The following RANBP2 variants were observed in gnomAD, a reference collection of about 807,000 sequenced individuals.
RANBP2 encodes E3 SUMO-protein ligase RanBP2.
In RANBP2, 57 loss-of-function variants were observed where a neutral mutation model predicts 303.6. The observed-to-expected ratio is 0.19, with a 90% CI of 0.15 to 0.23. The LOEUF (loss-of-function observed/expected upper bound fraction) is 0.23, where lower values mean the gene tolerates loss of function less well. Among genes scored for constraint, RANBP2 ranks in the 10% least tolerant of loss-of-function variants. The pLI, the probability that RANBP2 is intolerant of heterozygous loss-of-function variation, is 1.00. For missense variants in RANBP2, 3,138 were observed against 3,780.8 expected, an observed-to-expected ratio of 0.83 and a Z score of 4.46; for synonymous variants, 1,167 against 1,301.5, an observed-to-expected ratio of 0.90 and a Z score of 2.23.
chr2:109,219,232 G>A, the RANBP2 span, among the ~76,000 whole-genome samples: 3 of 152,188 alleles, frequency 2.0e-5, no homozygotes, highest in African/African-American at 7.2e-5. Flanking sequence ...ATGTATTTGA[G>A]TTGTTCTCAG....
At chr2:109,516,174 C>A in the RANBP2 span, among the ~76,000 whole-genome samples, 6 of 152,000 alleles carry the variant, frequency 3.9e-5, no homozygotes, top group Non-Finnish European at 7.4e-5. Context: ...GCTGCTGAGC[C>A]CACCAGGCCT....
At chr2:109,572,385 G>A in the RANBP2 span, among the ~76,000 whole-genome samples, 115 of 152,050 alleles carry the variant, frequency 7.6e-4, no homozygotes, top group African/African-American at 2.5e-3. Flanking sequence ...TGCCCGCCTC[G>A]GCCTCCCAAA....
chr2:109,005,900 C>T, the RANBP2 span, among the ~76,000 whole-genome samples: 2 of 152,334 alleles, frequency 1.3e-5, no homozygotes, highest in East Asian at 3.9e-4. Context: ...TGGTGCCCAC[C>T]GCCTTTATCC....
the RANBP2 span, among the ~76,000 whole-genome samples, chr2:108,950,264 T>G: frequency 2.0e-5 from 3 of 148,314 alleles, no homozygotes; most frequent in Non-Finnish European, 4.5e-5. Flanking sequence ...CCATTCCTTT[T>G]CTTTTTCTTT....
the RANBP2 span, among the ~76,000 whole-genome samples, chr2:109,686,602 A>G: frequency 1.3e-5 from 2 of 152,018 alleles, no homozygotes; most frequent in Non-Finnish European, 2.9e-5. Context: ...CGTAAGCCAC[A>G]GCGTCCGGCT....
the RANBP2 span, among the ~76,000 whole-genome samples, chr2:109,247,721 A>G: frequency 6.6e-6 from 1 of 152,204 alleles, no homozygotes; most frequent in African/African-American, 2.4e-5. Context: ...TCCCTGTATC[A>G]GTTAGGATTT....
chr2:108,938,915 G>A, the RANBP2 span, among the ~76,000 whole-genome samples: 2,254 of 151,178 alleles, frequency 0.015, 29 homozygotes, highest in South Asian at 0.03. Flanking sequence ...GAGTAGCTGC[G>A]ACTACAGGCA....
At chr2:109,294,578 TAAAAA>T in the RANBP2 span, among the ~76,000 whole-genome samples, 2 of 124,912 alleles carry the variant, frequency 1.6e-5, no homozygotes, top group South Asian at 5.4e-4. Context: ...AAAAATTAAT[TAAAAA>T]AAAGGTAAAA....
chr2:109,193,833 A>C, the RANBP2 span, among the ~76,000 whole-genome samples: 1 of 152,178 alleles, frequency 6.6e-6, no homozygotes, highest in Non-Finnish European at 1.5e-5. Flanking sequence ...CCAGCACCTG[A>C]TTTAAGTCTC....
chr2:109,743,686 T>G, the RANBP2 span, among the ~76,000 whole-genome samples: 20 of 96,236 alleles, frequency 2.1e-4, 4 homozygotes, highest in Non-Finnish European at 5.5e-4. Context: ...CTGGGTATAT[T>G]GTGTGATGCT....
chr2:109,510,469 G>A, the RANBP2 span, among the ~76,000 whole-genome samples: 1 of 152,180 alleles, frequency 6.6e-6, no homozygotes, highest in Non-Finnish European at 1.5e-5. Flanking sequence ...TGTGGAGGCC[G>A]AGGGGAAGCC....
the RANBP2 span, among the ~76,000 whole-genome samples, chr2:109,345,842 G>A: frequency 6.6e-6 from 1 of 152,178 alleles, no homozygotes; most frequent in Admixed American, 6.5e-5. Flanking sequence ...ATTCTTTGTG[G>A]CAGAGGCTGT....
chr2:109,193,335 A>G, the RANBP2 span, among the ~76,000 whole-genome samples: 1 of 152,210 alleles, frequency 6.6e-6, no homozygotes, highest in Admixed American at 6.5e-5. Context: ...TTCAAAGTGT[A>G]CAATTCAGTG....
the RANBP2 span, among the ~76,000 whole-genome samples, chr2:109,151,424 A>G: frequency 1.3e-5 from 2 of 152,230 alleles, no homozygotes; most frequent in Non-Finnish European, 2.9e-5. Flanking sequence ...TTATACTCCA[A>G]AGCAGCACCA....
the RANBP2 span, among the ~76,000 whole-genome samples, chr2:109,672,632 T>C: frequency 6.6e-6 from 1 of 152,358 alleles, no homozygotes; most frequent in South Asian, 2.1e-4. Context: ...TCTAGAAGTT[T>C]ATGCATTTTA....
At chr2:109,367,080 G>A in the RANBP2 span, among the ~76,000 whole-genome samples, 13 of 150,718 alleles carry the variant, frequency 8.6e-5, no homozygotes, top group African/African-American at 2.7e-4. Flanking sequence ...ACCCTCCAGA[G>A]CAGCTAGGAT....
the RANBP2 span, among the ~76,000 whole-genome samples, chr2:109,638,959 C>T: frequency 1.3e-5 from 2 of 152,156 alleles, no homozygotes; most frequent in Non-Finnish European, 2.9e-5. Flanking sequence ...GGCCTTGCTC[C>T]AAAACAAAGC....
At chr2:109,173,985 G>A in the RANBP2 span, among the ~76,000 whole-genome samples, 189 of 152,362 alleles carry the variant, frequency 1.2e-3, no homozygotes, top group Admixed American at 5.2e-3. Flanking sequence ...CCTGAGACTG[G>A]CATTGGTGGC....
the RANBP2 span, among the ~76,000 whole-genome samples, chr2:109,685,075 G>T: frequency 3.3e-5 from 5 of 151,576 alleles, no homozygotes; most frequent in Non-Finnish European, 5.9e-5. Flanking sequence ...GTTTTACCTT[G>T]TTGGCCAGGC....
Sources: allele counts gnomAD v4.1 joint callset (sites outside exome capture counted in the v4.1 genomes callset), GRCh38; gene constraint gnomAD v4.1.1; transcripts MANE v1.5; gene names NCBI Gene and HGNC (gene_info 2026-07-23, HGNC 2026-07-21).